The following NAALADL2 variants were observed in gnomAD, a reference collection of about 807,000 sequenced individuals.
The protein encoded by NAALADL2 is inactive N-acetylated-alpha-linked acidic dipeptidase-like protein 2.
Under a neutral mutation model 87.2 loss-of-function variants are expected in NAALADL2, and 76 were observed. That is an observed-to-expected ratio of 0.87 (90% confidence interval 0.72 to 1.05). The LOEUF (loss-of-function observed/expected upper bound fraction) is 1.05. Among genes scored for constraint, NAALADL2 ranks in the 50% least tolerant of loss-of-function variants. The pLI is 0.00. For synonymous variants in NAALADL2, 354 were observed against 331.0 expected (o/e 1.07, Z -0.75); for missense variants, 1,089 against 945.8 (o/e 1.15, Z -1.99).
intron 2 of NAALADL2, chr3:174,550,704 A>G (rs1390250771): frequency 6.6e-6 from 1 of 152,072 alleles, no homozygotes; most frequent in Non-Finnish European, 1.5e-5. Context: ...TTTAATTATA[A>G]TTAGTTATAG....
intron 9 of NAALADL2, among the ~76,000 whole-genome samples, chr3:175,516,095 T>G (rs1582212420): frequency 6.6e-6 from 1 of 152,346 alleles, no homozygotes; most frequent in East Asian, 1.9e-4. Flanking sequence ...TGTGATACAT[T>G]TGCCCCTTTG....
At chr3:175,201,287 G>A (rs889472206) in intron 2 of NAALADL2, among the ~76,000 whole-genome samples, 4 of 152,130 alleles carry the variant, frequency 2.6e-5, no homozygotes, top group Admixed American at 6.6e-5. Context: ...AAACATGTCA[G>A]AGTTGATAAA....
intron 2 of NAALADL2, among the ~76,000 whole-genome samples, chr3:175,114,263 T>G (rs1186844986): frequency 6.6e-6 from 1 of 151,630 alleles, no homozygotes; most frequent in Non-Finnish European, 1.5e-5. Context: ...GACTATTAAA[T>G]CACGTGGATG....
intron 1 of NAALADL2, among the ~76,000 whole-genome samples, chr3:174,930,874 G>A (rs529025612): frequency 6.6e-5 from 10 of 151,682 alleles, no homozygotes; most frequent in African/African-American, 2.4e-4. Context: ...CGCCCACCTC[G>A]GCCTCCCAAA....
At chr3:174,534,641 C>T (rs1721559179) in intron 1 of NAALADL2, among the ~76,000 whole-genome samples, 1 of 152,130 alleles carries the variant, frequency 6.6e-6, no homozygotes, top group Admixed American at 6.5e-5. Context: ...CCTTTCCTAC[C>T]ATCTGACTGG....
At chr3:174,585,426 C>T (rs148407503) in intron 2 of NAALADL2, among the ~76,000 whole-genome samples, 1 of 152,222 alleles carries the variant, frequency 6.6e-6, no homozygotes, top group East Asian at 1.9e-4. Flanking sequence ...TTCACATGGA[C>T]GAGAGCAAGA....
At chr3:175,726,799 C>T (rs1742988676) in intron 11 of NAALADL2, among the ~76,000 whole-genome samples, 1 of 152,028 alleles carries the variant, frequency 6.6e-6, no homozygotes, top group Admixed American at 6.6e-5. Context: ...AGAGTTTAGG[C>T]CGAGAAACTA....
intron 2 of NAALADL2, among the ~76,000 whole-genome samples, chr3:175,131,919 G>A (rs1206156540): frequency 1.0e-5 from 1 of 95,504 alleles, no homozygotes; most frequent in Non-Finnish European, 2.1e-5. Flanking sequence ...GGGCAGAGGG[G>A]CTCCTCACTT....
chr3:174,602,599 T>A (rs1718567987), intron 2 of NAALADL2, among the ~76,000 whole-genome samples: 2 of 151,588 alleles, frequency 1.3e-5, no homozygotes, highest in Non-Finnish European at 3.0e-5. Context: ...TTTTCCAATT[T>A]GGATGCCCTT....
intron 1 of NAALADL2, among the ~76,000 whole-genome samples, chr3:174,863,661 C>T (rs1402892093): frequency 6.6e-6 from 1 of 151,880 alleles, no homozygotes. Flanking sequence ...ACTTTGTACT[C>T]CAACCTGTTA....
chr3:174,615,586 T>C (rs781745571), intron 2 of NAALADL2, among the ~76,000 whole-genome samples: 2 of 152,166 alleles, frequency 1.3e-5, no homozygotes, highest in Non-Finnish European at 2.9e-5. Context: ...CAGGAGAATC[T>C]GGTTTGCTTT....
chr3:175,366,370 AC>A (rs1765567950), intron 5 of NAALADL2, among the ~76,000 whole-genome samples: 1 of 152,006 alleles, frequency 6.6e-6, no homozygotes, highest in South Asian at 2.1e-4. Flanking sequence ...TTGGGTATAT[AC>A]CCAGTAATGG....
chr3:175,468,278 A>G (rs940200607), intron 8 of NAALADL2, among the ~76,000 whole-genome samples: 9 of 152,094 alleles, frequency 5.9e-5, no homozygotes, highest in Non-Finnish European at 1.0e-4. Context: ...TATGCAAATG[A>G]GTGGTGTGAA....
intron 1 of NAALADL2, among the ~76,000 whole-genome samples, chr3:175,064,247 GA>G (rs368197778): frequency 0.027 from 3,161 of 116,044 alleles, 48 homozygotes; most frequent in Non-Finnish European, 0.039. Flanking sequence ...GGGAAAAGAA[GA>G]AAAAAAAAAA....
At chr3:174,898,343 G>T (rs1157646383) in intron 1 of NAALADL2, among the ~76,000 whole-genome samples, 1 of 151,278 alleles carries the variant, frequency 6.6e-6, no homozygotes, top group Non-Finnish European at 1.5e-5. Flanking sequence ...GTAGAGGGGG[G>T]TTAGGAGGAG....
Position 174,536,542 on chromosome 3 carries a change from A to T in NAALADL2, c.-183-14027A>T, listed in dbSNP as rs986703084. The T allele has an allele frequency of 5.9e-5, 9 of 152,278 alleles. No homozygotes were observed. The East Asian group carries it at 1.7e-3, about 29-fold the overall frequency. The allele number at this position is 152,278 out of a possible 1,614,324, so 9.4% of individuals were successfully genotyped here. On this transcript the variant is annotated intron_variant, in intron 1 of 3. Transcript: ENST00000434257. Reference sequence around the variant, plus strand: ...GAGGCATTTACAAATAAATGAAAAAAGTCACAATTGATTTCACTCCTTTTA... The same window carrying T: ...GAGGCATTTACAAATAAATGAAAAATGTCACAATTGATTTCACTCCTTTTA...
intron 11 of NAALADL2, among the ~76,000 whole-genome samples, chr3:175,657,976 A>G (rs1408434591): frequency 6.6e-5 from 10 of 151,616 alleles, no homozygotes; most frequent in African/African-American, 2.4e-4. Flanking sequence ...TGTATGTGAG[A>G]AGGAAAAAAG....
intron 1 of NAALADL2, among the ~76,000 whole-genome samples, chr3:174,460,151 CTG>C (rs554227602): frequency 1.6e-4 from 25 of 152,026 alleles, no homozygotes; most frequent in Non-Finnish European, 3.2e-4. Context: ...CAATCTACTT[CTG>C]TCTAAAGTAG....
chr3:175,046,733 GAA>G (rs1366608917), intron 1 of NAALADL2, among the ~76,000 whole-genome samples: 2 of 152,256 alleles, frequency 1.3e-5, no homozygotes, highest in African/African-American at 4.8e-5. Context: ...TGCATTTCAA[GAA>G]CAACAGCCAG....
Sources: gnomAD v4.1 joint callset for allele counts (sites outside exome capture counted in the v4.1 genomes callset) on GRCh38, gnomAD v4.1.1 for gene constraint, MANE v1.5 for transcripts, NCBI Gene and HGNC (gene_info 2026-07-23, HGNC 2026-07-21) for gene names.